The following DLGAP1 variants were observed in gnomAD, a reference collection of about 807,000 sequenced individuals.
DLGAP1 encodes DLG associated protein 1, also known as disks large-associated protein 1.
A neutral mutation model predicts 90.8 loss-of-function variants in DLGAP1; 11 were observed. That is an observed-to-expected ratio of 0.12 (90% confidence interval 0.08 to 0.20). The LOEUF (loss-of-function observed/expected upper bound fraction) is 0.20. DLGAP1 is among the 10% of genes least tolerant of loss of function. The probability of loss-of-function intolerance (pLI) is 1.00; values close to 1 mark genes in which losing one functional copy is unlikely to be tolerated. For missense variants in DLGAP1, 1,050 were observed against 1,333.8 expected (o/e 0.79, Z 3.31); for synonymous variants, 558 against 540.7 (o/e 1.03, Z -0.44).
intron 1 of DLGAP1, among the ~76,000 whole-genome samples, chr18:4,406,872 T>A (rs563646507): frequency 6.6e-6 from 1 of 152,170 alleles, no homozygotes; most frequent in Non-Finnish European, 1.5e-5. Context: ...ACTGAGACAG[T>A]GTAGTCAAAA....
chr18:3,810,577 T>C (rs2066783154), intron 5 of DLGAP1, among the ~76,000 whole-genome samples: 1 of 152,122 alleles, frequency 6.6e-6, no homozygotes, highest in African/African-American at 2.4e-5. Context: ...AGTAGGAACA[T>C]AAATATAGTT....
At chr18:3,504,803 C>T (rs940070588) in intron 11 of DLGAP1, among the ~76,000 whole-genome samples, 3 of 152,204 alleles carry the variant, frequency 2.0e-5, no homozygotes, top group Non-Finnish European at 4.4e-5. Context: ...AAGCGTTTAG[C>T]CTCAGCCATT....
chr18:3,646,314 G>A (rs894310950), intron 7 of DLGAP1, among the ~76,000 whole-genome samples: 2 of 151,844 alleles, frequency 1.3e-5, no homozygotes, highest in Admixed American at 6.6e-5. Context: ...GATCACTTAA[G>A]CCCAGGAGGT....
intron 5 of DLGAP1, among the ~76,000 whole-genome samples, chr18:3,764,667 T>TA (rs1477485123): frequency 6.6e-6 from 1 of 152,212 alleles, no homozygotes; most frequent in East Asian, 1.9e-4. Flanking sequence ...CATATGAAGG[T>TA]AAATATTTGC....
intron 5 of DLGAP1, among the ~76,000 whole-genome samples, chr18:3,801,553 A>G (rs566930462): frequency 6.8e-4 from 103 of 152,266 alleles, no homozygotes; most frequent in South Asian, 1.7e-3. Context: ...TGGAAAGTCA[A>G]TTAAATTTAT....
In DLGAP1 at chr18:3,729,001, C is replaced by T. The variant is rs2062305097; in HGVS notation, c.1591+134G>A. On this transcript the variant is annotated intron_variant, in intron 7 of 12. Transcript: ENST00000315677. The surrounding 1 kb of genome is among the most constrained non-coding windows in gnomAD (Gnocchi z 6.2). The stretch of plus-strand genomic sequence containing the variant: ...GATAGAGGCAGATAGGGAAGGAAAA[C>T]CTTTGGTTTGTAGGACATGGGTGGT... The T allele has an allele frequency of 7.4e-7, 1 of 1,356,256 alleles. No individual in the cohort carries two copies. The highest frequency in any genetic ancestry group is 9.8e-7 in the Non-Finnish European group (1 of 1,023,846). 84.0% of individuals were successfully genotyped at this position (1,356,256 alleles called of 1,614,324 possible).
At chr18:4,349,894 T>C (rs1185853531) in intron 1 of DLGAP1, among the ~76,000 whole-genome samples, 1 of 152,188 alleles carries the variant, frequency 6.6e-6, no homozygotes, top group African/African-American at 2.4e-5. Flanking sequence ...GCTGTACACT[T>C]AAGATCCAGG....
chr18:4,373,343 T>C (rs2081954551), intron 1 of DLGAP1, among the ~76,000 whole-genome samples: 1 of 151,970 alleles, frequency 6.6e-6, no homozygotes, highest in Non-Finnish European at 1.5e-5. Context: ...GCAGAATCCA[T>C]AGAAAGTGGA....
intron 5 of DLGAP1, among the ~76,000 whole-genome samples, chr18:3,802,990 G>C (rs1378352532): frequency 1.3e-5 from 2 of 152,094 alleles, no homozygotes; most frequent in African/African-American, 2.4e-5. Context: ...CTGAAGAAAG[G>C]CTACCTAAAA....
At chr18:4,270,502 CATA>C (rs1181892083) in intron 1 of DLGAP1, among the ~76,000 whole-genome samples, 1 of 152,124 alleles carries the variant, frequency 6.6e-6, no homozygotes, top group African/African-American at 2.4e-5. Context: ...TTAGTGATAA[CATA>C]ATATTTTTCC....
chr18:3,635,113 G>T (rs899088072), intron 7 of DLGAP1, among the ~76,000 whole-genome samples: 1 of 151,340 alleles, frequency 6.6e-6, no homozygotes, highest in African/African-American at 2.4e-5. Context: ...AACTAGTCAA[G>T]AGTCTGGTTG....
At position 4,313,090 on chromosome 18, in the gene DLGAP1, TA is replaced by T. The variant is rs1350545634; in HGVS notation, c.-267+141915del. 7.2e-5 allele frequency among the ~76,000 whole-genome samples: 11 copies of T among 152,346 alleles called. No homozygotes were observed. The East Asian group carries it at 2.1e-3, about 29-fold the overall frequency. ...TGCTTGTCATGTTTTCTGCAAGTCA[TA>T]TTCAGTCTTCCAACAAATGTTTACT... is the stretch of plus-strand genomic sequence containing the variant. On this transcript the variant is annotated intron_variant, in intron 1 of 12. Coordinates refer to ENST00000315677, the MANE Select transcript of DLGAP1 (RefSeq NM_004746.4).
At chr18:4,074,909 A>G (rs2075501986) in intron 2 of DLGAP1, among the ~76,000 whole-genome samples, 1 of 152,206 alleles carries the variant, frequency 6.6e-6, no homozygotes, top group Non-Finnish European at 1.5e-5. Context: ...ATGAATCACC[A>G]TGCCTAACAC....
intron 6 of DLGAP1, among the ~76,000 whole-genome samples, chr18:3,741,200 A>ACCACC (rs2062987596): frequency 2.4e-5 from 1 of 42,426 alleles, no homozygotes; most frequent in Non-Finnish European, 4.7e-5. Flanking sequence ...ACCACCACCA[A>ACCACC]ATCACCACCA....
chr18:3,666,155 C>T (rs1460969476), intron 7 of DLGAP1, among the ~76,000 whole-genome samples: 7 of 152,130 alleles, frequency 4.6e-5, no homozygotes, highest in Non-Finnish European at 1.0e-4. Flanking sequence ...TAGAATAATC[C>T]TTCCTACGCA....
At chr18:4,348,852 A>G (rs1465132142) in intron 1 of DLGAP1, among the ~76,000 whole-genome samples, 1 of 152,194 alleles carries the variant, frequency 6.6e-6, no homozygotes, top group East Asian at 1.9e-4. Flanking sequence ...CATACCACCA[A>G]TAAGTAATTG....
At chr18:3,626,332 A>G (rs143221586) in intron 7 of DLGAP1, among the ~76,000 whole-genome samples, 2 of 151,308 alleles carry the variant, frequency 1.3e-5, no homozygotes, top group African/African-American at 4.9e-5. Flanking sequence ...GGCGGCTCAC[A>G]TCTGTAATCT....
At chr18:3,799,916 AT>A (rs1788720983) in intron 5 of DLGAP1, among the ~76,000 whole-genome samples, 1 of 152,250 alleles carries the variant, frequency 6.6e-6, no homozygotes, top group Admixed American at 6.5e-5. Context: ...AGTGAAGTCC[AT>A]CTCAAAATAT....
At position 3,729,399 on chromosome 18, in the gene DLGAP1, G is replaced by C. The variant is rs747477657; in HGVS notation, c.1351-24C>G. On this transcript the variant is annotated intron_variant, in intron 6 of 12. Transcript: ENST00000315677. The surrounding 1 kb of genome is among the most constrained non-coding windows in gnomAD (Gnocchi z 6.2). ...ACCTGCGGGCAGACACAGGCGTTGTGACACTCGCCTCCACCTGGTGGAGGA... is the reference window on the plus strand; with the variant it reads ...ACCTGCGGGCAGACACAGGCGTTGTCACACTCGCCTCCACCTGGTGGAGGA... The C allele has an allele frequency of 6.3e-7, 1 of 1,597,384 alleles. No individual in the cohort carries two copies.
Sources: allele counts gnomAD v4.1 joint callset (sites outside exome capture counted in the v4.1 genomes callset), GRCh38; gene constraint gnomAD v4.1.1; non-coding constraint Gnocchi (gnomAD v3.1); transcripts MANE v1.5; gene names NCBI Gene and HGNC (gene_info 2026-07-23, HGNC 2026-07-21).